Variants in FNBP1 observed in about 807,000 individuals in gnomAD.
The protein encoded by FNBP1 is formin binding protein 1, also known as formin-binding protein 1.
In FNBP1, 26 loss-of-function variants were observed where a neutral mutation model predicts 90.6. That is an observed-to-expected ratio of 0.29 (90% CI 0.21 to 0.40). The LOEUF (loss-of-function observed/expected upper bound fraction) is 0.40, where lower values mean the gene tolerates loss of function less well. Ranked by LOEUF, FNBP1 falls within the 10% of genes least tolerant of loss-of-function variation. The pLI, the probability that FNBP1 is intolerant of heterozygous loss-of-function variation, is 1.00. For synonymous variants in FNBP1, 260 were observed against 265.2 expected (o/e 0.98, Z 0.19); for missense variants, 635 against 768.0 (o/e 0.83, Z 2.05).
intron 4 of FNBP1, among the ~76,000 whole-genome samples, chr9:129,961,326 AAAAC>A (rs889109428): frequency 1.1e-4 from 16 of 152,202 alleles, no homozygotes; most frequent in South Asian, 6.2e-4. Context: ...AAACCCCCGA[AAAAC>A]AAACAAACAA....
At chr9:129,947,530 C>T (rs901189137) in intron 6 of FNBP1, among the ~76,000 whole-genome samples, 4 of 151,982 alleles carry the variant, frequency 2.6e-5, no homozygotes, top group East Asian at 1.9e-4. Context: ...CATCTATACC[C>T]GCATACCTTG....
intron 2 of FNBP1, among the ~76,000 whole-genome samples, chr9:129,980,934 C>T (rs10114862): frequency 0.95 from 142,888 of 151,112 alleles, 67,797 homozygotes; most frequent in East Asian, 0.99. Context: ...GCCTGTAGTC[C>T]CAGCTACTCG....
At chr9:129,961,862 A>G (rs1158511101) in intron 4 of FNBP1, among the ~76,000 whole-genome samples, 1 of 152,212 alleles carries the variant, frequency 6.6e-6, no homozygotes, top group Non-Finnish European at 1.5e-5. Flanking sequence ...CTGGGATTAC[A>G]GGCGTGAGCC....
intron 4 of FNBP1, among the ~76,000 whole-genome samples, chr9:129,964,494 C>T (rs1319360827): frequency 2.0e-5 from 3 of 151,916 alleles, no homozygotes; most frequent in Non-Finnish European, 4.4e-5. Context: ...GACAGCTACA[C>T]TTACTTATTT....
intron 6 of FNBP1, among the ~76,000 whole-genome samples, chr9:129,954,378 A>G (rs746433277): frequency 2.6e-5 from 4 of 152,184 alleles, no homozygotes; most frequent in Non-Finnish European, 5.9e-5. Context: ...TCCAAAACTC[A>G]TAAGTAATGC....
chr9:130,008,915 A>G (rs1415536619), intron 1 of FNBP1, among the ~76,000 whole-genome samples: 2 of 152,198 alleles, frequency 1.3e-5, no homozygotes, highest in African/African-American at 4.8e-5. Flanking sequence ...AAAGAGGGTG[A>G]TAGAGAGAGA....
intron 10 of FNBP1, among the ~76,000 whole-genome samples, chr9:129,918,700 T>G (rs1273195712): frequency 6.6e-6 from 1 of 152,168 alleles, no homozygotes; most frequent in East Asian, 1.9e-4. Context: ...GTTACAAACA[T>G]GGATATGGGT....
chr9:130,028,569 C>T (rs951274737), intron 1 of FNBP1, among the ~76,000 whole-genome samples: 14 of 152,112 alleles, frequency 9.2e-5, no homozygotes, highest in Non-Finnish European at 1.9e-4. Context: ...ACCTCCAGCT[C>T]CACTTATTAT....
At chr9:130,008,839 C>T (rs2056165955) in intron 1 of FNBP1, among the ~76,000 whole-genome samples, 2 of 152,164 alleles carry the variant, frequency 1.3e-5, no homozygotes, top group Admixed American at 1.3e-4. Flanking sequence ...AAACATCCCA[C>T]ACTAGTCTCC....
chr9:129,960,487 T>C (rs1283568969), intron 4 of FNBP1, among the ~76,000 whole-genome samples: 1 of 152,016 alleles, frequency 6.6e-6, no homozygotes, highest in African/African-American at 2.4e-5. Context: ...GCATGGCTGT[T>C]TTCATTATTA....
chr9:129,941,809 G>A (rs1328993513), intron 6 of FNBP1, among the ~76,000 whole-genome samples: 5 of 152,218 alleles, frequency 3.3e-5, no homozygotes, highest in African/African-American at 9.6e-5. Flanking sequence ...AGTGGCTCAC[G>A]CCTGTAATCC....
chr9:130,015,248 T>C (rs550062410), intron 1 of FNBP1, among the ~76,000 whole-genome samples: 2 of 152,280 alleles, frequency 1.3e-5, no homozygotes, highest in East Asian at 3.9e-4. Context: ...ACACAACTTC[T>C]CTATTCTCAT....
intron 2 of FNBP1, among the ~76,000 whole-genome samples, chr9:129,984,648 T>C (rs948558998): frequency 2.6e-5 from 4 of 151,830 alleles, no homozygotes; most frequent in Admixed American, 1.3e-4. Context: ...GTTCGCTGTG[T>C]CCCCACCCAA....
intron 4 of FNBP1, among the ~76,000 whole-genome samples, chr9:129,970,856 A>G (rs2049341422): frequency 6.6e-6 from 1 of 152,058 alleles, no homozygotes; most frequent in Non-Finnish European, 1.5e-5. Flanking sequence ...CAGGGGAGAA[A>G]GGTTCTCTTT....
At chr9:130,053,112 G>C in the FNBP1 span, among the ~76,000 whole-genome samples, 2 of 151,792 alleles carry the variant, frequency 1.3e-5, no homozygotes, top group African/African-American at 4.8e-5. Flanking sequence ...GCTAGACTCC[G>C]TCTCAAAAAA....
chr9:129,896,040 C>G, intron 15 of FNBP1, 44 bp from the exon 16 acceptor site: 1 of 1,545,970 alleles, frequency 6.5e-7, no homozygotes, highest in Non-Finnish European at 8.7e-7. Flanking sequence ...TTGGCAAATG[C>G]AGGGAGGAAG....
At position 129,962,071 on chromosome 9, in the gene FNBP1, G is replaced by A. The variant is rs141529003; in HGVS notation, c.346-3518C>T. On this transcript the variant is annotated intron_variant, in intron 4 of 16. Coordinates refer to ENST00000446176, the MANE Select transcript of FNBP1 (RefSeq NM_015033.3). ...GGATGTTCTGAGTGATCAGAGGGCAGGAAACTGTACCTGCAGCTTCTCCTC... is the reference window on the plus strand; with the variant it reads ...GGATGTTCTGAGTGATCAGAGGGCAAGAAACTGTACCTGCAGCTTCTCCTC... Among the ~76,000 whole-genome samples, 361 of 152,306 alleles carry A rather than the reference G, an allele frequency of 2.4e-3. 2 individuals are homozygous for A. Among genetic ancestry groups the A allele is most frequent in the African/African-American group, 8.2e-3 (343 of 41,576 alleles).
intron 6 of FNBP1, among the ~76,000 whole-genome samples, chr9:129,934,568 T>A (rs1446083901): frequency 3.3e-5 from 3 of 90,294 alleles, no homozygotes. Context: ...ATGATTTCAC[T>A]TCTTGGTAAT....
chr9:129,975,255 A>G (rs1312142421), intron 4 of FNBP1, among the ~76,000 whole-genome samples: 4 of 152,212 alleles, frequency 2.6e-5, no homozygotes, highest in African/African-American at 9.6e-5. Context: ...TAGCACAAAT[A>G]CACACATTTG....
Sources: allele counts gnomAD v4.1 joint callset (sites outside exome capture counted in the v4.1 genomes callset), GRCh38; gene constraint gnomAD v4.1.1; transcripts MANE v1.5; gene names NCBI Gene and HGNC (gene_info 2026-07-23, HGNC 2026-07-21).